Variants in FMN2 observed in about 807,000 individuals in gnomAD.
FMN2 encodes formin 2.
A neutral mutation model predicts 142.3 loss-of-function variants in FMN2; 51 were observed. The observed-to-expected ratio is 0.36, with a 90% CI of 0.29 to 0.45. The LOEUF (loss-of-function observed/expected upper bound fraction) is 0.45, where lower values mean the gene tolerates loss of function less well. FMN2 is among the 20% of genes least tolerant of loss of function. The pLI is 1.00. For synonymous variants in FMN2, 882 were observed against 869.8 expected (o/e 1.01, Z -0.25); for missense variants, 1,936 against 2,122.8 (o/e 0.91, Z 1.73).
chr1:240,178,187 A>G (rs1014625813), intron 3 of FMN2, 119 bp downstream of exon 3: 3 of 1,211,884 alleles, frequency 2.5e-6, no homozygotes, highest in Non-Finnish European at 3.2e-6. Flanking sequence ...TTCAGATATA[A>G]TCTTCAAAAA....
At chr1:240,311,506 T>C (rs925484384) in intron 8 of FMN2, among the ~76,000 whole-genome samples, 1 of 152,158 alleles carries the variant, frequency 6.6e-6, no homozygotes, top group Admixed American at 6.5e-5. Flanking sequence ...GTATGCTCAT[T>C]TTCAACCATA....
At chr1:240,304,643 G>C (rs1157593324) in intron 8 of FMN2, among the ~76,000 whole-genome samples, 2 of 152,188 alleles carry the variant, frequency 1.3e-5, no homozygotes. Flanking sequence ...TACAGTGGGG[G>C]GACAGAGGCT....
intron 4 of FMN2, among the ~76,000 whole-genome samples, chr1:240,203,614 C>T (rs12725148): frequency 0.23 from 35,680 of 151,938 alleles, 4,383 homozygotes; most frequent in Middle Eastern, 0.39. Context: ...ACAGTGAGAA[C>T]ACATAGACAC....
intron 14 of FMN2, among the ~76,000 whole-genome samples, chr1:240,379,714 G>T (rs187228524): frequency 8.9e-4 from 135 of 152,186 alleles, no homozygotes; most frequent in Admixed American, 1.6e-3. Context: ...TACAGCAGGA[G>T]GGTAAGTTTG....
intron 13 of FMN2, among the ~76,000 whole-genome samples, chr1:240,340,848 T>C: frequency 6.6e-6 from 1 of 152,190 alleles, no homozygotes; most frequent in East Asian, 1.9e-4. Context: ...TATTGCTCTG[T>C]ACTTAGAACT....
chr1:240,124,495 C>T (rs545056045), intron 2 of FMN2, among the ~76,000 whole-genome samples: 1 of 152,188 alleles, frequency 6.6e-6, no homozygotes, highest in East Asian at 1.9e-4. Context: ...TTCTCATTGT[C>T]AAGGCAGAGT....
chr1:240,122,785 G>T (rs1662335374), intron 1 of FMN2, among the ~76,000 whole-genome samples: 1 of 152,108 alleles, frequency 6.6e-6, no homozygotes, highest in Admixed American at 6.5e-5. Flanking sequence ...GGGCGTGGTG[G>T]CTCACACCTA....
At chr1:240,108,344 A>C (rs1047706259) in intron 1 of FMN2, among the ~76,000 whole-genome samples, 3 of 152,208 alleles carry the variant, frequency 2.0e-5, no homozygotes, top group Non-Finnish European at 4.4e-5. Context: ...ACCTAAAACT[A>C]GACATGGTAA....
chr1:240,465,456 T>A lies in FMN2; in HGVS notation c.5061-6916T>A, dbSNP rs535979325. ...GCTTTAAATTTCTTAGCAGACCTGA[T>A]GGTGTTATGTTTTAGTAAAGAATAT... On this transcript the variant is annotated intron_variant, in intron 16 of 17. Coordinates refer to ENST00000319653, the MANE Select transcript of FMN2 (RefSeq NM_020066.5). 2.0e-5 allele frequency among the ~76,000 whole-genome samples: 3 copies of A among 151,988 alleles called. No homozygotes were observed. The South Asian group carries it at 6.3e-4, about 32-fold the overall frequency.
intron 13 of FMN2, among the ~76,000 whole-genome samples, chr1:240,348,229 T>C (rs1336722255): frequency 6.6e-6 from 1 of 151,758 alleles, no homozygotes; most frequent in African/African-American, 2.4e-5. Flanking sequence ...TTTACTTTTT[T>C]TTTTTTTTTG....
At chr1:240,424,861 T>A (rs1674884274) in intron 15 of FMN2, among the ~76,000 whole-genome samples, 1 of 152,174 alleles carries the variant, frequency 6.6e-6, no homozygotes, top group African/African-American at 2.4e-5. Context: ...TAATACGTAG[T>A]CAAAAAATTT....
At chr1:240,277,502 A>G (rs962453823) in intron 7 of FMN2, among the ~76,000 whole-genome samples, 6 of 142,220 alleles carry the variant, frequency 4.2e-5, no homozygotes, top group Non-Finnish European at 9.2e-5. Context: ...GCCTTACCCA[A>G]CTTTAAGTAC....
intron 1 of FMN2, among the ~76,000 whole-genome samples, chr1:240,094,957 T>C (rs1255562807): frequency 1.3e-5 from 2 of 152,210 alleles, no homozygotes; most frequent in Non-Finnish European, 2.9e-5. Context: ...TATAGGGTCT[T>C]ACCCTTAAAA....
At chr1:240,193,390 C>T (rs941583395) in intron 4 of FMN2, among the ~76,000 whole-genome samples, 1 of 152,054 alleles carries the variant, frequency 6.6e-6, no homozygotes, top group Non-Finnish European at 1.5e-5. Flanking sequence ...AAATGATTTG[C>T]GAGATGCAAT....
rs373559074 is a variant in FMN2, at chr1:240,341,702, A to AT, written c.4765+7481dup. Among the ~76,000 whole-genome samples the AT allele has an allele frequency of 4.0e-3, 603 of 151,934 alleles. 7 individuals are homozygous for AT. Among genetic ancestry groups the AT allele is most frequent in the African/African-American group, 0.013 (558 of 41,428 alleles). On this transcript the variant is annotated intron_variant, in intron 13 of 17. Coordinates refer to ENST00000319653, the MANE Select transcript of FMN2 (RefSeq NM_020066.5). ...CCCCAAAATCATTCACTGTCTTTTG[A>AT]TTTTTTTTCAATTGCTTTAACTTGG...
intron 16 of FMN2, among the ~76,000 whole-genome samples, chr1:240,460,843 A>G (rs964501208): frequency 6.6e-6 from 1 of 152,144 alleles, no homozygotes; most frequent in African/African-American, 2.4e-5. Flanking sequence ...GAGGTTTTCA[A>G]CATGTTCTCC....
chr1:240,465,387 T>TCTTTC (rs1676583456), intron 16 of FMN2, among the ~76,000 whole-genome samples: 1 of 135,698 alleles, frequency 7.4e-6, no homozygotes. Flanking sequence ...TGTGTGTGTG[T>TCTTTC]CTGTCTTTCT....
intron 2 of FMN2, among the ~76,000 whole-genome samples, chr1:240,130,766 T>C (rs1181007875): frequency 6.6e-6 from 1 of 152,206 alleles, no homozygotes; most frequent in Non-Finnish European, 1.5e-5. Flanking sequence ...ACATAGCTTT[T>C]CCCCCTGTAT....
chr1:240,302,209 G>T (rs970491308), intron 8 of FMN2, among the ~76,000 whole-genome samples: 1 of 151,060 alleles, frequency 6.6e-6, no homozygotes, highest in Non-Finnish European at 1.5e-5. Context: ...TTCTTTTTTT[G>T]AGACTCCTTA....
Sources: gnomAD v4.1 joint callset for allele counts (sites outside exome capture counted in the v4.1 genomes callset) on GRCh38, gnomAD v4.1.1 for gene constraint, MANE v1.5 for transcripts, NCBI Gene and HGNC (gene_info 2026-07-23, HGNC 2026-07-21) for gene names.